Variants in ST8SIA1 observed in about 807,000 individuals in gnomAD.
ST8SIA1 encodes the protein alpha-N-acetylneuraminide alpha-2,8-sialyltransferase.
ST8SIA1 carries 16 observed loss-of-function variants against 35.9 expected under a neutral mutation model. The observed-to-expected ratio is 0.45, with a 90% CI of 0.30 to 0.68. The LOEUF (loss-of-function observed/expected upper bound fraction) is 0.68. Ranked by LOEUF, ST8SIA1 falls within the 30% of genes least tolerant of loss-of-function variation. ST8SIA1 has a pLI of 0.09. For missense variants in ST8SIA1, 383 were observed against 453.6 expected (o/e 0.84, Z 1.41); for synonymous variants, 170 against 169.6 (o/e 1.00, Z -0.02).
intron 4 of ST8SIA1, among the ~76,000 whole-genome samples, chr12:22,220,595 C>T (rs1865286250): frequency 1.3e-5 from 2 of 152,202 alleles, no homozygotes; most frequent in South Asian, 4.2e-4. Context: ...ATGTTCCCAT[C>T]CTCACTGACG....
chr12:22,197,589 C>T lies in ST8SIA1; in HGVS notation c.*3963G>A, dbSNP rs1865004138. 2 of 152,136 alleles carry T rather than the reference C, an allele frequency of 1.3e-5. No homozygotes were observed. The highest frequency in any genetic ancestry group is 2.9e-5 in the Non-Finnish European group (2 of 68,006). 9.4% of individuals were successfully genotyped at this position (152,136 alleles called of 1,614,324 possible). ...AAAAGAAATGTTATCAATATTGTTT[C>T]CATTTTGGATCATCTATAACACTCT... On this transcript the variant is annotated 3_prime_UTR_variant, in exon 5 of 5. Coordinates refer to ENST00000396037, the MANE Select transcript of ST8SIA1 (RefSeq NM_003034.4).
intron 4 of ST8SIA1, among the ~76,000 whole-genome samples, chr12:22,211,731 G>T (rs1055641949): frequency 1.3e-5 from 2 of 151,864 alleles, no homozygotes; most frequent in East Asian, 3.9e-4. Context: ...TTTTTGAGAT[G>T]GCGTCTCGCT....
At chr12:22,258,173 T>C (rs748487986) in intron 2 of ST8SIA1, among the ~76,000 whole-genome samples, 2 of 151,716 alleles carry the variant, frequency 1.3e-5, no homozygotes, top group Non-Finnish European at 2.9e-5. Context: ...ATGCCAAGAG[T>C]TCTGCCTTGA....
rs770322700 is a variant in ST8SIA1 at position 22,255,319 on chromosome 12, C to A, written c.452G>T (p.Gly151Val). 1.2e-6 allele frequency: 2 copies of A among 1,614,210 alleles called. No homozygotes were observed. Among genetic ancestry groups the A allele is most frequent in the Admixed American group, 1.7e-5 (1 of 60,034 alleles). Residue 151 changes from glycine to valine, a missense_variant, in exon 3 of 5, where the codon GGC becomes GTC. Coordinates refer to ENST00000396037, the MANE Select transcript of ST8SIA1 (RefSeq NM_003034.4). ...TGCTTCATCTATTTGACGGCCACAGCCACTCTTCTTCAGAATCCCACCATT... is the reference window on the plus strand; with the variant it reads ...TGCTTCATCTATTTGACGGCCACAGACACTCTTCTTCAGAATCCCACCATT... ...VGNGGILKKS[G>V]CGRQIDEANF... is the part of the protein sequence containing the mutation.
At chr12:22,292,335 C>T (rs1480144731) in intron 1 of ST8SIA1, among the ~76,000 whole-genome samples, 2 of 152,114 alleles carry the variant, frequency 1.3e-5, no homozygotes, top group Admixed American at 1.3e-4. Flanking sequence ...TATTTATATG[C>T]TATATATTTA....
intron 4 of ST8SIA1, among the ~76,000 whole-genome samples, chr12:22,232,294 G>C (rs1463527341): frequency 6.6e-6 from 1 of 152,162 alleles, no homozygotes. Context: ...CATGGACCAA[G>C]GTCATGACAG....
intron 1 of ST8SIA1, among the ~76,000 whole-genome samples, chr12:22,301,890 T>C (rs916947738): frequency 8.5e-5 from 13 of 152,176 alleles, no homozygotes; most frequent in Non-Finnish European, 1.9e-4. Flanking sequence ...TACAAATCCA[T>C]GGCTGGGCTC....
At chr12:22,261,365 G>T (rs1865789658) in intron 2 of ST8SIA1, among the ~76,000 whole-genome samples, 1 of 152,054 alleles carries the variant, frequency 6.6e-6, no homozygotes, top group Admixed American at 6.6e-5. Flanking sequence ...CAGACTTCAG[G>T]TGATCTGCCT....
chr12:22,323,180 A>G (rs1444828545), intron 1 of ST8SIA1, among the ~76,000 whole-genome samples: 1 of 152,234 alleles, frequency 6.6e-6, no homozygotes, highest in East Asian at 1.9e-4. Context: ...TTTACCTGCC[A>G]CTGTACATAT....
At position 22,334,318 on chromosome 12, in the gene ST8SIA1, C is replaced by G. The variant is rs557207862; in HGVS notation, c.-86G>C. The G allele has an allele frequency of 1.3e-3, 1,304 of 1,001,504 alleles. 3 individuals carry two copies. Among genetic ancestry groups the G allele is most frequent in the Non-Finnish European group, 1.8e-3 (1,183 of 675,110 alleles). The allele number at this position is 1,001,504 out of a possible 1,614,324, so 62.0% of individuals were successfully genotyped here. On this transcript the variant is annotated 5_prime_UTR_variant, in exon 1 of 5. Transcript: ENST00000396037. ...CAGCGGAGGGTCCCCCACCGCCAGCCCCCCATGCACACACACCTTTGGTTC... is the reference window on the plus strand; with the variant it reads ...CAGCGGAGGGTCCCCCACCGCCAGCGCCCCATGCACACACACCTTTGGTTC...
chr12:22,315,411 T>C (rs556824161), intron 1 of ST8SIA1, among the ~76,000 whole-genome samples: 1 of 152,190 alleles, frequency 6.6e-6, no homozygotes, highest in Admixed American at 6.5e-5. Context: ...CTAGAGAAAA[T>C]ATAGCAAAAT....
chr12:22,316,405 G>C (rs757747476), intron 1 of ST8SIA1, among the ~76,000 whole-genome samples: 1 of 152,220 alleles, frequency 6.6e-6, no homozygotes, highest in South Asian at 2.1e-4. Flanking sequence ...AGTGGGGAGA[G>C]GTGAATTTTT....
At chr12:22,213,914 C>T (rs1474614041) in intron 4 of ST8SIA1, among the ~76,000 whole-genome samples, 1 of 152,170 alleles carries the variant, frequency 6.6e-6, no homozygotes, top group East Asian at 1.9e-4. Context: ...AATGTCTACA[C>T]TGTGCCAGTT....
At chr12:22,226,587 G>A (rs938666677) in intron 4 of ST8SIA1, among the ~76,000 whole-genome samples, 1 of 151,220 alleles carries the variant, frequency 6.6e-6, no homozygotes, top group African/African-American at 2.4e-5. Context: ...TCATCTTTAG[G>A]ATGAATCTCC....
chr12:22,237,297 A>G (rs1865486064), intron 4 of ST8SIA1, among the ~76,000 whole-genome samples: 1 of 151,988 alleles, frequency 6.6e-6, no homozygotes, highest in South Asian at 2.1e-4. Context: ...AGGTCTCACT[A>G]TATGGCCCAG....
Position 22,204,376 on chromosome 12 carries a change from C to T in ST8SIA1, c.585-2338G>A, listed in dbSNP as rs953406747. Among the ~76,000 whole-genome samples the T allele has an allele frequency of 4.6e-5, 7 of 152,312 alleles. No homozygotes were observed. The East Asian group carries it at 5.8e-4, about 13-fold the overall frequency. ...CAACAAGCAGGTTAGAACTAAAAAA[C>T]TCTTCTTAATATGCTCATACCGTTC... On this transcript the variant is annotated intron_variant, in intron 4 of 4. Transcript: ENST00000396037.
intron 1 of ST8SIA1, among the ~76,000 whole-genome samples, chr12:22,314,340 AAC>A (rs1866489498): frequency 6.6e-6 from 1 of 152,140 alleles, no homozygotes; most frequent in African/African-American, 2.4e-5. Flanking sequence ...TATGCCTCCT[AAC>A]ACAGTGTTTA....
chr12:22,230,638 A>C (rs1363994006), intron 4 of ST8SIA1, among the ~76,000 whole-genome samples: 1 of 152,158 alleles, frequency 6.6e-6, no homozygotes, highest in Admixed American at 6.5e-5. Flanking sequence ...TAAAATGTAA[A>C]ACCACAGAGA....
rs556215289 is a variant in ST8SIA1 at position 22,198,890 on chromosome 12, C to T, written c.*2662G>A. 6.6e-6 allele frequency: 1 copy of T among 152,158 alleles called. No homozygotes were observed. The highest frequency in any genetic ancestry group is 2.4e-5 in the African/African-American group (1 of 41,526). The allele number at this position is 152,158 out of a possible 1,614,324, so 9.4% of individuals were successfully genotyped here. ...CTACTAAGTACATGCTATTAGCACCCTTGAGTCATGAAAATAAAAAATGTC... is the reference window on the plus strand; with the variant it reads ...CTACTAAGTACATGCTATTAGCACCTTTGAGTCATGAAAATAAAAAATGTC... On this transcript the variant is annotated 3_prime_UTR_variant, in exon 5 of 5. Transcript: ENST00000396037.
Sources: allele counts gnomAD v4.1 joint callset (sites outside exome capture counted in the v4.1 genomes callset), GRCh38; gene constraint gnomAD v4.1.1; transcripts MANE v1.5; gene names NCBI Gene and HGNC (gene_info 2026-07-23, HGNC 2026-07-21).